Variants in NYNRIN observed in about 807,000 individuals in gnomAD.
The protein encoded by NYNRIN is protein NYNRIN.
In NYNRIN, 86 loss-of-function variants were observed where a neutral mutation model predicts 146.6. The observed-to-expected ratio is 0.59, with a 90% CI of 0.49 to 0.70. NYNRIN has a LOEUF of 0.70. Ranked by LOEUF, NYNRIN falls within the 30% of genes least tolerant of loss-of-function variation. The probability of loss-of-function intolerance (pLI) is 0.00; values close to 1 mark genes in which losing one functional copy is unlikely to be tolerated. For synonymous variants in NYNRIN, 1,027 were observed against 1,001.3 expected (o/e 1.03, Z -0.48); for missense variants, 2,191 against 2,377.7 (o/e 0.92, Z 1.63).
intron 7 of NYNRIN, 82 bp from the exon 8 acceptor site, chr14:24,413,233 CG>C: frequency 7.1e-7 from 1 of 1,414,714 alleles, no homozygotes; most frequent in Non-Finnish European, 9.8e-7. Flanking sequence ...TGGGTCTCAG[CG>C]CCATGGAGAA....
chr14:24,402,165 T>C (rs2042848112), intron 2 of NYNRIN, among the ~76,000 whole-genome samples: 1 of 152,174 alleles, frequency 6.6e-6, no homozygotes, highest in Non-Finnish European at 1.5e-5. Flanking sequence ...TCTGTAAATC[T>C]TGAGTGCTTT....
intron 8 of NYNRIN, among the ~76,000 whole-genome samples, chr14:24,413,997 T>G (rs1309414187): frequency 2.6e-5 from 4 of 152,244 alleles, no homozygotes; most frequent in African/African-American, 9.6e-5. Flanking sequence ...GTGACTCAAG[T>G]GACTTTTCCA....
chr14:24,417,315 C>G lies in NYNRIN; in HGVS notation c.5566C>G (p.Leu1856Val). Residue 1856 changes from leucine (L) to valine (V), a missense_variant, in exon 9 of 9, where the codon CTG (leucine) becomes GTG (valine). By Grantham distance (32) the Leu-to-Val change is conservative. Transcript: ENST00000382554. Reference protein sequence around the residue: ...WVGPFYIGDRLSLSLYRIWGF... With the variant: ...WVGPFYIGDRVSLSLYRIWGF... ...GGGTCCCTTCTATATCGGGGACCGGCTGAGCCTGTCACTCTATAGGATATG... is the reference window on the plus strand; with the variant it reads ...GGGTCCCTTCTATATCGGGGACCGGGTGAGCCTGTCACTCTATAGGATATG... 1 of 1,612,426 alleles carries G rather than the reference C, an allele frequency of 6.2e-7. No individual in the cohort carries two copies. The highest frequency in any genetic ancestry group is 8.5e-7 in the Non-Finnish European group (1 of 1,179,238).
rs796367470 is a variant in NYNRIN, at chr14:24,404,081, AG to A, written c.199-3783del. Among the ~76,000 whole-genome samples the A allele has an allele frequency of 1.0e-3, 157 of 152,244 alleles. 2 individuals carry two copies. The highest frequency in any genetic ancestry group is 3.7e-3 in the African/African-American group (153 of 41,526). ...ATTGTCAGGCACTCTTGTTGTACTT[AG>A]GGGGCCTTCTATCTGGACACTCATG... On this transcript the variant is annotated intron_variant, in intron 2 of 8. Coordinates refer to ENST00000382554, the MANE Select transcript of NYNRIN (RefSeq NM_025081.3).
At position 24,411,141 on chromosome 14, in the gene NYNRIN, G is replaced by A. The variant is rs1292177693; in HGVS notation, c.2480G>A (p.Arg827Gln). 6 of 1,611,130 alleles carry A rather than the reference G, an allele frequency of 3.7e-6. No homozygotes were observed. Among genetic ancestry groups the A allele is most frequent in the East Asian group, 2.2e-5 (1 of 44,844 alleles). ...IAMAVQFFWN[R>Q]GHREVTVFVP... ...ATGGCAGTGCAGTTTTTCTGGAACC[G>A]GGGACACCGAGAGGTCACTGTGTTT... The change falls in exon 5 of 9, where the codon CGG becomes CAG. Residue 827 changes from arginine to glutamine, a missense_variant. By Grantham distance (43) the Arg-to-Gln change is conservative. This residue lies in a region of NYNRIN where 1,291 missense variants were observed against 1,417.0 expected (regional missense o/e 0.91). Coordinates refer to ENST00000382554, the MANE Select transcript of NYNRIN (RefSeq NM_025081.3). This position sits in a 1 kb window ranked among gnomAD's most constrained non-coding sequence, Gnocchi z 4.3.
At chr14:24,413,492 C>A in intron 8 of NYNRIN, 75 bp downstream of exon 8, 3 of 880,858 alleles carry the variant, frequency 3.4e-6, no homozygotes, top group Non-Finnish European at 5.2e-6. Context: ...TGTTGGCCAA[C>A]ATCTAGTGCG....
chr14:24,415,378 A>C lies in NYNRIN; in HGVS notation c.3629A>C (p.Tyr1210Ser), dbSNP rs768152222. The C allele has an allele frequency of 6.2e-7, 1 of 1,613,842 alleles. No individual in the cohort carries two copies. The highest frequency in any genetic ancestry group is 8.5e-7 in the Non-Finnish European group (1 of 1,179,866). ...CCCCAGTCAGGGGGTGACAGCCCCT[A>C]TGCTGTGGCCTGGGCCCTCAAGCAT... is the stretch of plus-strand genomic sequence containing the variant. Reference protein sequence around the residue: ...QGPQSGGDSPYAVAWALKHFS... With the variant: ...QGPQSGGDSPSAVAWALKHFS... The change falls in exon 9 of 9, where the codon TAT becomes TCT. Residue 1210 changes from tyrosine (Y) to serine (S), a missense_variant. By Grantham distance (144) the Tyr-to-Ser change is moderately radical. This residue lies in a region of NYNRIN where 1,291 missense variants were observed against 1,417.0 expected (regional missense o/e 0.91). Transcript: ENST00000382554.
Position 24,417,221 on chromosome 14 carries a change from G to A in NYNRIN, c.5472G>A (p.Lys1824=). The A allele has an allele frequency of 6.2e-7, 1 of 1,614,082 alleles. No homozygotes were observed. The highest frequency in any genetic ancestry group is 8.5e-7 in the Non-Finnish European group (1 of 1,179,904). Residue 1824 remains lysine (K), a synonymous_variant, in exon 9 of 9, where the codon AAG becomes AAA. Transcript: ENST00000382554. Reference sequence around the variant, plus strand: ...GTTTCAAGCGGGAGAGCCAGGAGAAGGAGTGGAATGTGGGTGACCAGGTCC... The same window carrying A: ...GTTTCAAGCGGGAGAGCCAGGAGAAAGAGTGGAATGTGGGTGACCAGGTCC... ...NRRFKRESQE[K]EWNVGDQVLL... is the part of the protein sequence containing the mutation.
Position 24,416,850 on chromosome 14 carries a change from G to A in NYNRIN, c.5101G>A (p.Val1701Met). The A allele has an allele frequency of 3.1e-6, 5 of 1,609,116 alleles. No homozygotes were observed. The highest frequency in any genetic ancestry group is 4.2e-6 in the Non-Finnish European group (5 of 1,177,022). ...VSCGLALGAQ[V>M]ASLSRDLQFP... ...CTGTGGGCTGGCCCTGGGAGCCCAG[G>A]TGGCCTCCCTGAGTCGGGACCTCCA... The change falls in exon 9 of 9, where the codon GTG becomes ATG. Residue 1701 changes from valine (V) to methionine (M), a missense_variant. By Grantham distance (21) the Val-to-Met change is conservative. Coordinates refer to ENST00000382554, the MANE Select transcript of NYNRIN (RefSeq NM_025081.3).
Position 24,416,639 on chromosome 14 carries a change from G to A in NYNRIN, c.4890G>A (p.Glu1630=). The change falls in exon 9 of 9, where the codon GAG becomes GAA. Residue 1630 remains glutamate (E), a synonymous_variant. Coordinates refer to ENST00000382554, the MANE Select transcript of NYNRIN (RefSeq NM_025081.3). ...EVVGPVTISE[E]GHKHVLIVAD... ...TGGGCCCGGTCACCATAAGTGAGGA[G>A]GGCCATAAGCATGTACTTATTGTGG... The A allele has an allele frequency of 6.2e-7, 1 of 1,613,972 alleles. No homozygotes were observed. Among genetic ancestry groups the A allele is most frequent in the East Asian group, 2.2e-5 (1 of 44,880 alleles).
intron 2 of NYNRIN, among the ~76,000 whole-genome samples, chr14:24,400,213 G>A (rs896738918): frequency 6.6e-6 from 1 of 152,152 alleles, no homozygotes; most frequent in Middle Eastern, 3.2e-3. Flanking sequence ...CAGATGAAAG[G>A]GCTTGCTATG....
intron 1 of NYNRIN, 66 bp from the exon 2 acceptor site, chr14:24,399,164 G>T: frequency 7.5e-7 from 1 of 1,339,288 alleles, no homozygotes; most frequent in Non-Finnish European, 1.0e-6. Flanking sequence ...TTAGGCGCCT[G>T]GGGCTGGGGG....
At position 24,411,553 on chromosome 14, in the gene NYNRIN, C is replaced by A; in HGVS notation, c.2642+103C>A. 1 of 991,108 alleles carries A rather than the reference C, an allele frequency of 1.0e-6. No homozygotes were observed. Among genetic ancestry groups the A allele is most frequent in the Non-Finnish European group, 1.6e-6 (1 of 633,278 alleles). 61.4% of individuals were successfully genotyped at this position (991,108 alleles called of 1,614,324 possible). A position where few individuals can be genotyped will look rare whatever the true frequency, so the allele number is the denominator to read the frequency against. On this transcript the variant is annotated intron_variant, in intron 6 of 8. Transcript: ENST00000382554. This position sits in a 1 kb window ranked among gnomAD's most constrained non-coding sequence, Gnocchi z 4.3. ...TCTTCTCTGGGGAAATGGAGGCAAA[C>A]ATGTTGGGGGTGTCGGTTGTGCAGA...
chr14:24,412,281 G>C (rs955721679), intron 6 of NYNRIN, among the ~76,000 whole-genome samples: 1 of 152,174 alleles, frequency 6.6e-6, no homozygotes. Flanking sequence ...CTTTTCCGCA[G>C]ACCGTCCCTC....
At position 24,418,508 on chromosome 14, in the gene NYNRIN, A is replaced by G. The variant is rs2042963754; in HGVS notation, c.*1062A>G. The G allele has an allele frequency of 3.0e-6, 1 of 328,462 alleles. No homozygotes were observed. The highest frequency in any genetic ancestry group is 4.3e-5 in the Admixed American group (1 of 23,072). The allele number at this position is 328,462 out of a possible 1,614,324, so 20.3% of individuals were successfully genotyped here. ...TCCTGTGGACCTGCCTTCTGTGTAG[A>G]GCAAAACCCAGGCTCCCTCACAGCC... On this transcript the variant is annotated 3_prime_UTR_variant, in exon 9 of 9. Transcript: ENST00000382554.
At position 24,417,774 on chromosome 14, in the gene NYNRIN, G is replaced by A. The variant is rs2042958703; in HGVS notation, c.*328G>A. 1.1e-5 allele frequency: 3 copies of A among 262,522 alleles called. No homozygotes were observed. The highest frequency in any genetic ancestry group is 4.9e-5 in the Admixed American group (1 of 20,550). The allele number at this position is 262,522 out of a possible 1,614,324, so 16.3% of individuals were successfully genotyped here. On this transcript the variant is annotated 3_prime_UTR_variant, in exon 9 of 9. Transcript: ENST00000382554. ...TATCCTCTTTCCCCTTCACATGTAG[G>A]TGTGTGGTGGTGTGCACACACACTC...
At chr14:24,403,824 C>T (rs1227064696) in intron 2 of NYNRIN, among the ~76,000 whole-genome samples, 1 of 152,192 alleles carries the variant, frequency 6.6e-6, no homozygotes. Flanking sequence ...GGTTGCATGT[C>T]CACGTTGCAT....
intron 2 of NYNRIN, among the ~76,000 whole-genome samples, chr14:24,406,328 C>T (rs946629469): frequency 6.6e-6 from 1 of 152,112 alleles, no homozygotes; most frequent in Non-Finnish European, 1.5e-5. Context: ...ATCTTCTTCC[C>T]CAGCACATCT....
chr14:24,409,529 G>A lies in NYNRIN; in HGVS notation c.1735G>A (p.Val579Met). ...GCCTACATCTCGAATGATGCTGGCA[G>A]TGCACACAGAGCCTGCAGCTCCCGA... The part of the protein sequence containing the change: ...KLPTSRMMLA[V>M]HTEPAAPEVP... The change falls in exon 4 of 9, where the codon GTG becomes ATG. Residue 579 changes from valine (V) to methionine (M), a missense_variant. Transcript: ENST00000382554. The A allele has an allele frequency of 1.2e-6, 2 of 1,612,994 alleles. No homozygotes were observed. The highest frequency in any genetic ancestry group is 1.1e-5 in the South Asian group (1 of 90,888).
Sources: allele counts gnomAD v4.1 joint callset (sites outside exome capture counted in the v4.1 genomes callset), GRCh38; gene constraint gnomAD v4.1.1; regional missense constraint gnomAD v4.1.1; non-coding constraint Gnocchi (gnomAD v3.1); transcripts MANE v1.5; gene names NCBI Gene and HGNC (gene_info 2026-07-23, HGNC 2026-07-21).